PCGF6: variants seen among roughly 807,000 people sequenced by gnomAD.
The protein encoded by PCGF6 is polycomb group ring finger 6.
A neutral mutation model predicts 45.5 loss-of-function variants in PCGF6; 24 were observed. The ratio of observed to expected loss-of-function variants is 0.53; its 90% CI spans 0.38 to 0.74. The LOEUF (loss-of-function observed/expected upper bound fraction) is 0.74. Ranked by LOEUF, PCGF6 falls within the 30% of genes least tolerant of loss-of-function variation. The pLI is 0.00. For synonymous variants in PCGF6, 152 were observed against 162.1 expected, an observed-to-expected ratio of 0.94 and a Z score of 0.47; for missense variants, 356 against 443.2, an observed-to-expected ratio of 0.80 and a Z score of 1.77.
intron 8 of PCGF6, among the ~76,000 whole-genome samples, chr10:103,321,580 T>C (rs1421336367): frequency 1.3e-5 from 2 of 151,856 alleles, no homozygotes; most frequent in African/African-American, 4.8e-5. Context: ...GGCGTGGTGG[T>C]GGGTGCCTGT....
At chr10:103,336,456 C>T (rs565399302) in intron 6 of PCGF6, among the ~76,000 whole-genome samples, 76 of 152,004 alleles carry the variant, frequency 5.0e-4, no homozygotes, top group African/African-American at 1.7e-3. Flanking sequence ...AATAAAACAT[C>T]CCATTCATTG....
chr10:103,347,903 T>G (rs2093305609), intron 3 of PCGF6, among the ~76,000 whole-genome samples: 1 of 152,204 alleles, frequency 6.6e-6, no homozygotes, highest in Admixed American at 6.6e-5. Context: ...GGGCAGAGAC[T>G]GTATTTTGAA....
chr10:103,331,493 G>T (rs933434710), intron 7 of PCGF6, among the ~76,000 whole-genome samples: 1 of 152,118 alleles, frequency 6.6e-6, no homozygotes, highest in African/African-American at 2.4e-5. Context: ...CCTGAACTCA[G>T]GAGATCCACC....
chr10:103,327,020 C>T (rs933346925), intron 7 of PCGF6, among the ~76,000 whole-genome samples: 12 of 152,200 alleles, frequency 7.9e-5, no homozygotes, highest in Non-Finnish European at 1.0e-4. Flanking sequence ...GGCATGGTGG[C>T]TCACGCCTGC....
At chr10:103,329,197 C>T (rs1490167349) in intron 7 of PCGF6, among the ~76,000 whole-genome samples, 3 of 151,824 alleles carry the variant, frequency 2.0e-5, no homozygotes, top group South Asian at 4.2e-4. Context: ...CCGCCACCAA[C>T]GTCTGGCTAA....
intron 7 of PCGF6, among the ~76,000 whole-genome samples, chr10:103,333,161 T>C (rs962964495): frequency 2.0e-5 from 3 of 151,596 alleles, no homozygotes; most frequent in Non-Finnish European, 4.4e-5. Flanking sequence ...AAAACTGCAT[T>C]CCCTCTATCA....
chr10:103,327,280 C>T (rs1378430455), intron 7 of PCGF6, among the ~76,000 whole-genome samples: 6 of 151,758 alleles, frequency 4.0e-5, no homozygotes, highest in South Asian at 4.1e-4. Context: ...AGCAAAACTC[C>T]GTCTAAAAAA....
Position 103,345,152 on chromosome 10 carries a change from A to G in PCGF6, c.674-20T>C. ...GAACAGCTATTTAATAGTCAAACAA[A>G]AATGTTAATTAAGAATAAAAATGCC... On this transcript the variant is annotated intron_variant, in intron 5 of 9. Coordinates refer to ENST00000369847, the MANE Select transcript of PCGF6 (RefSeq NM_001011663.2). The G allele has an allele frequency of 6.7e-7, 1 of 1,502,542 alleles. No homozygotes were observed. Among genetic ancestry groups the G allele is most frequent in the Non-Finnish European group, 9.1e-7 (1 of 1,095,700 alleles). The allele number at this position is 1,502,542 out of a possible 1,614,324, so 93.1% of individuals were successfully genotyped here.
rs767484912 is a variant in PCGF6 at position 103,348,947 on chromosome 10, T to C, written c.413A>G (p.Lys138Arg). The C allele has an allele frequency of 6.2e-7, 1 of 1,613,960 alleles. No homozygotes were observed. The highest frequency in any genetic ancestry group is 8.5e-7 in the Non-Finnish European group (1 of 1,179,846). ...LTPYILCSIC[K>R]GYLIDATTIT... ...GGTAGTTGCATCTATTAAGTAACCT[T>C]TGCAAATGGAACACAAGATGTATGG... The change falls in exon 2 of 10, where the codon AAA (lysine) becomes AGA (arginine). Residue 138 changes from lysine to arginine, a missense_variant. Physicochemically the swap from Lys to Arg is conservative, Grantham distance 26. Around this residue, in one of 2 missense-constraint regions of PCGF6, gnomAD observed 307 missense variants for 350.1 expected, o/e 0.88. Coordinates refer to ENST00000369847, the MANE Select transcript of PCGF6 (RefSeq NM_001011663.2).
At chr10:103,347,206 G>A (rs1465756688) in intron 5 of PCGF6, 32 bp downstream of exon 5, 1 of 1,497,704 alleles carries the variant, frequency 6.7e-7, no homozygotes, top group East Asian at 2.3e-5. Context: ...TCTTTAATCT[G>A]TAAGTACATT....
rs2093127555 is a variant in PCGF6 at position 103,303,785 on chromosome 10, A to C, written c.*120T>G. On this transcript the variant is annotated 3_prime_UTR_variant, in exon 10 of 10. Transcript: ENST00000369847. ...AACGCTATAATTCTTGGTGCTAAAA[A>C]TAGGTAAGTTATGTCTTGAACAGCA... 4 of 816,876 alleles carry C rather than the reference A, an allele frequency of 4.9e-6. No individual in the cohort carries two copies. In the Admixed American group the frequency reaches 9.2e-5, roughly 19 times the overall value. 50.6% of individuals were successfully genotyped at this position (816,876 alleles called of 1,614,324 possible). A position where few individuals can be genotyped will look rare whatever the true frequency, so the allele number is the denominator to read the frequency against.
At chr10:103,307,299 C>A (rs549385063) in intron 9 of PCGF6, among the ~76,000 whole-genome samples, 43 of 151,466 alleles carry the variant, frequency 2.8e-4, no homozygotes, top group Non-Finnish European at 4.7e-4. Flanking sequence ...AAAAAATTAG[C>A]CAGTGGCACA....
intron 1 of PCGF6, among the ~76,000 whole-genome samples, chr10:103,349,951 G>A (rs1383768039): frequency 1.3e-5 from 2 of 151,764 alleles, no homozygotes; most frequent in African/African-American, 4.8e-5. Flanking sequence ...GCGTGGTGGC[G>A]GGCGCCTTGT....
At chr10:103,347,204 C>A in intron 5 of PCGF6, 34 bp downstream of exon 5, 1 of 1,484,722 alleles carries the variant, frequency 6.7e-7, no homozygotes, top group South Asian at 1.2e-5. Context: ...ATTCTTTAAT[C>A]TGTAAGTACA....
At chr10:103,349,030 C>G in intron 1 of PCGF6, 31 bp from the exon 2 acceptor site, 1 of 1,535,098 alleles carries the variant, frequency 6.5e-7, no homozygotes. Context: ...TTTTAAAATA[C>G]AAGTCCTTGC....
intron 8 of PCGF6, among the ~76,000 whole-genome samples, chr10:103,322,062 A>G (rs2093199554): frequency 6.6e-6 from 1 of 151,758 alleles, no homozygotes; most frequent in African/African-American, 2.4e-5. Context: ...CACCCGGCTA[A>G]TGTTTGTATT....
intron 1 of PCGF6, 42 bp downstream of exon 1, chr10:103,350,665 C>T (rs1358677950): frequency 1.4e-6 from 2 of 1,405,410 alleles, no homozygotes; most frequent in South Asian, 1.6e-5. Context: ...ACGTCCCTGA[C>T]GCCGCTTGGG....
In PCGF6 at chr10:103,327,769, G is replaced by C. The variant is rs754797620; in HGVS notation, c.811-1137C>G. Among the ~76,000 whole-genome samples the C allele has an allele frequency of 9.9e-4, 150 of 151,776 alleles. 2 individuals carry two copies. The highest frequency in any genetic ancestry group is 5.4e-4 in the Non-Finnish European group (37 of 67,962). Reference sequence around the variant, plus strand: ...AGCTCACTGCAAGCTCCGCCTCCCGGGTTCACGCTATTCTCCTGCCTCAGT... The same window carrying C: ...AGCTCACTGCAAGCTCCGCCTCCCGCGTTCACGCTATTCTCCTGCCTCAGT... On this transcript the variant is annotated intron_variant, in intron 7 of 9. Transcript: ENST00000369847.
chr10:103,302,905 T>C lies in PCGF6; in HGVS notation c.*1000A>G, dbSNP rs1405819072. 5 of 152,288 alleles carry C rather than the reference T, an allele frequency of 3.3e-5. No homozygotes were observed. Among genetic ancestry groups the C allele is most frequent in the Non-Finnish European group, 7.3e-5 (5 of 68,042 alleles). The allele number at this position is 152,288 out of a possible 1,614,324, so 9.4% of individuals were successfully genotyped here. A position where few individuals can be genotyped will look rare whatever the true frequency, so the allele number is the denominator to read the frequency against. The stretch of plus-strand genomic sequence containing the variant: ...CCAATTTTGTAGTAGTCTCTACACA[T>C]TCAGAAATTCTGCTGTTAAACAGGA... On this transcript the variant is annotated 3_prime_UTR_variant, in exon 10 of 10. Coordinates refer to ENST00000369847, the MANE Select transcript of PCGF6 (RefSeq NM_001011663.2).
Sources: allele counts gnomAD v4.1 joint callset (sites outside exome capture counted in the v4.1 genomes callset), GRCh38; gene constraint gnomAD v4.1.1; regional missense constraint gnomAD v4.1.1; transcripts MANE v1.5; gene names NCBI Gene and HGNC (gene_info 2026-07-23, HGNC 2026-07-21).